Variants in CTNNA1 observed in about 807,000 individuals in gnomAD.
The protein encoded by CTNNA1 is catenin alpha 1, also known as catenin alpha-1.
CTNNA1 carries 37 observed loss-of-function variants against 98.4 expected under a neutral mutation model. The ratio of observed to expected loss-of-function variants is 0.38; its 90% CI spans 0.29 to 0.49. The LOEUF (loss-of-function observed/expected upper bound fraction) is 0.49, where lower values mean the gene tolerates loss of function less well. CTNNA1 is among the 20% of genes least tolerant of loss of function. The pLI, the probability that CTNNA1 is intolerant of heterozygous loss-of-function variation, is 0.95. For missense variants in CTNNA1, 761 were observed against 1,147.2 expected (o/e 0.66, Z 4.86); for synonymous variants, 404 against 413.2 (o/e 0.98, Z 0.27).
chr5:138,888,892 C>G (rs924019755), intron 9 of CTNNA1, among the ~76,000 whole-genome samples: 1 of 152,146 alleles, frequency 6.6e-6, no homozygotes, highest in Non-Finnish European at 1.5e-5. Context: ...GTAGTCACAT[C>G]GTGCATTACT....
chr5:138,855,034 TTTTG>T (rs970044626), intron 7 of CTNNA1, among the ~76,000 whole-genome samples: 10 of 152,276 alleles, frequency 6.6e-5, no homozygotes, highest in South Asian at 2.1e-4. Context: ...TTAACTGTCA[TTTTG>T]TTTGTTTGTT....
intron 9 of CTNNA1, among the ~76,000 whole-genome samples, chr5:138,895,416 G>A (rs28363451): frequency 0.011 from 1,649 of 152,178 alleles, 29 homozygotes; most frequent in African/African-American, 0.038. Context: ...GGAATGAACT[G>A]GGAAAACTTG....
intron 3 of CTNNA1, among the ~76,000 whole-genome samples, chr5:138,799,870 A>ATGTATGTG (rs1757377130): frequency 1.3e-5 from 2 of 148,518 alleles, no homozygotes; most frequent in African/African-American, 5.2e-5. Context: ...GTATGTATGT[A>ATGTATGTG]TGTATGTATG....
intron 10 of CTNNA1, among the ~76,000 whole-genome samples, chr5:138,906,524 T>C (rs1759296418): frequency 6.6e-6 from 1 of 152,110 alleles, no homozygotes; most frequent in African/African-American, 2.4e-5. Context: ...CTACCAAGAG[T>C]ATTTATATAA....
chr5:138,862,065 T>G (rs1764336247), intron 7 of CTNNA1, among the ~76,000 whole-genome samples: 1 of 152,328 alleles, frequency 6.6e-6, no homozygotes, highest in Middle Eastern at 3.4e-3. Context: ...GGTCATAAGA[T>G]CTGATAAGTT....
At chr5:138,829,387 A>G (rs758113082) in intron 7 of CTNNA1, among the ~76,000 whole-genome samples, 1 of 152,214 alleles carries the variant, frequency 6.6e-6, no homozygotes, top group Non-Finnish European at 1.5e-5. Flanking sequence ...AGTGCTGGAA[A>G]TGGTGTAAAA....
rs761444117 is a variant in CTNNA1, at chr5:138,758,091, C to G, written c.-3+4581C>G. ...GCGTGATGTCGGCTCACTGCAACCT[C>G]TGTCTCCTGGGTTCAAGTGATTCTT... On this transcript the variant is annotated intron_variant, in intron 1 of 17. Transcript: ENST00000302763. 2.6e-5 allele frequency among the ~76,000 whole-genome samples: 4 copies of G among 152,154 alleles called. 1 individual carries two copies. The highest frequency in any genetic ancestry group is 5.9e-5 in the Non-Finnish European group (4 of 68,036).
At chr5:138,771,456 G>A (rs949999837) in intron 1 of CTNNA1, among the ~76,000 whole-genome samples, 2 of 152,104 alleles carry the variant, frequency 1.3e-5, no homozygotes, top group Non-Finnish European at 1.5e-5. Context: ...ATCATGGCTC[G>A]CTGCAGCCTT....
intron 11 of CTNNA1, among the ~76,000 whole-genome samples, chr5:138,920,956 C>G (rs752256129): frequency 6.6e-6 from 1 of 151,912 alleles, no homozygotes; most frequent in South Asian, 2.1e-4. Context: ...GGCTGTAGGG[C>G]GGGGGGAACT....
intron 3 of CTNNA1, among the ~76,000 whole-genome samples, chr5:138,798,677 T>G (rs893229933): frequency 1.8e-4 from 27 of 152,220 alleles, no homozygotes; most frequent in African/African-American, 6.5e-4. Context: ...AATTGCCCAT[T>G]GTCTTTGTTT....
At chr5:138,775,330 A>G (rs1753986766) in intron 1 of CTNNA1, among the ~76,000 whole-genome samples, 1 of 152,198 alleles carries the variant, frequency 6.6e-6, no homozygotes, top group African/African-American at 2.4e-5. Flanking sequence ...CCTAAGGTTC[A>G]CTGACTTGGG....
intron 3 of CTNNA1, among the ~76,000 whole-genome samples, chr5:138,793,845 T>C (rs188809059): frequency 6.6e-6 from 1 of 152,276 alleles, no homozygotes; most frequent in Non-Finnish European, 1.5e-5. Flanking sequence ...AACTTTTTTT[T>C]AAATCCATTC....
rs770004781 is a variant in CTNNA1 at position 138,925,359 on chromosome 5, G to A, written c.1851G>A (p.Leu617=). The A allele has an allele frequency of 1.2e-6, 2 of 1,614,158 alleles. No individual in the cohort carries two copies. The highest frequency in any genetic ancestry group is 2.2e-5 in the South Asian group (2 of 91,084). Residue 617 remains leucine (L), a synonymous_variant, in exon 13 of 18, where the codon CTG becomes CTA. Coordinates refer to ENST00000302763, the MANE Select transcript of CTNNA1 (RefSeq NM_001903.5). ...ATGAGTTTATCGATGCTTCCCGCCT[G>A]GTATATGATGGCATCCGGGACATCA... is the stretch of plus-strand genomic sequence containing the variant. ...DENEFIDASR[L]VYDGIRDIRK...
At chr5:138,791,230 G>A (rs73267586) in intron 3 of CTNNA1, among the ~76,000 whole-genome samples, 1,828 of 152,082 alleles carry the variant, frequency 0.012, 38 homozygotes, top group African/African-American at 0.037. Flanking sequence ...TTGATACTGC[G>A]AATGCATTTT....
intron 7 of CTNNA1, among the ~76,000 whole-genome samples, chr5:138,859,405 T>A (rs1764056084): frequency 6.6e-6 from 1 of 152,226 alleles, no homozygotes; most frequent in Non-Finnish European, 1.5e-5. Flanking sequence ...TCTAGGCTAG[T>A]GACTTTAAAT....
At chr5:138,836,156 T>G (rs1258107165) in intron 7 of CTNNA1, among the ~76,000 whole-genome samples, 5 of 152,020 alleles carry the variant, frequency 3.3e-5, no homozygotes, top group Admixed American at 1.3e-4. Context: ...TGGCCAAGAG[T>G]TCTAGATTTA....
intron 16 of CTNNA1, 151 bp from the exon 17 acceptor site, chr5:138,932,427 C>T (rs1293153606): frequency 6.9e-7 from 1 of 1,454,300 alleles, no homozygotes; most frequent in East Asian, 2.5e-5. Flanking sequence ...TAGGCAAGGG[C>T]TGTGACTGCC....
intron 11 of CTNNA1, among the ~76,000 whole-genome samples, chr5:138,922,276 C>T (rs764878864): frequency 1.3e-5 from 2 of 152,102 alleles, no homozygotes. Flanking sequence ...TGCCAAAATA[C>T]CTGTATAAGG....
chr5:138,868,761 A>G (rs1264615859), intron 7 of CTNNA1, among the ~76,000 whole-genome samples: 2 of 152,146 alleles, frequency 1.3e-5, no homozygotes, highest in Non-Finnish European at 2.9e-5. Flanking sequence ...AAGACAGGTA[A>G]TGATTAGCTG....
Sources: gnomAD v4.1 joint callset for allele counts (sites outside exome capture counted in the v4.1 genomes callset) on GRCh38, gnomAD v4.1.1 for gene constraint, MANE v1.5 for transcripts, NCBI Gene and HGNC (gene_info 2026-07-23, HGNC 2026-07-21) for gene names.